PAH: variants seen among roughly 807,000 people sequenced by gnomAD.
PAH encodes the protein phenylalanine hydroxylase, also known as phenylalanine-4-hydroxylase.
A neutral mutation model predicts 62.0 loss-of-function variants in PAH; 64 were observed. That is an observed-to-expected ratio of 1.03 (90% CI 0.84 to 1.27). The LOEUF is 1.27. Among genes scored for constraint, PAH ranks in the 50% most tolerant of loss-of-function variants. The pLI, the probability that PAH is intolerant of heterozygous loss-of-function variation, is 0.00. For synonymous variants in PAH, 195 were observed against 196.2 expected, an observed-to-expected ratio of 0.99 and a Z score of 0.05; for missense variants, 579 against 542.8, an observed-to-expected ratio of 1.07 and a Z score of -0.66.
At chr12:102,896,482 A>G (rs560628425) in intron 2 of PAH, among the ~76,000 whole-genome samples, 1 of 152,350 alleles carries the variant, frequency 6.6e-6, no homozygotes, top group African/African-American at 2.4e-5. Context: ...TCTAATTTCT[A>G]TGTTGAGAAT....
At chr12:102,922,108 A>G (rs1878563722), upstream of PAH, among the ~76,000 whole-genome samples, 1 of 151,974 alleles carries the variant, frequency 6.6e-6, no homozygotes, top group East Asian at 1.9e-4. Context: ...TCTTTAAGCA[A>G]ATATTTATGA....
At chr12:102,868,141 T>C (rs112562099) in intron 4 of PAH, among the ~76,000 whole-genome samples, 2 of 6,266 alleles carry the variant, frequency 3.2e-4, no homozygotes, top group African/African-American at 3.1e-3. Flanking sequence ...TATATATATA[T>C]ATATATATAT....
chr12:102,875,889 AACAC>A (rs1003837118), intron 4 of PAH, among the ~76,000 whole-genome samples: 2 of 138,600 alleles, frequency 1.4e-5, no homozygotes, highest in African/African-American at 6.6e-5. Context: ...AATACACACA[AACAC>A]ACACACACAT....
intron 2 of PAH, among the ~76,000 whole-genome samples, chr12:102,899,677 G>A (rs1877658426): frequency 6.7e-6 from 1 of 150,346 alleles, no homozygotes; most frequent in East Asian, 2.0e-4. Context: ...AGCTAAAACG[G>A]TGAAACCCCG....
intron 3 of PAH, among the ~76,000 whole-genome samples, chr12:102,891,784 G>T (rs1877285852): frequency 6.6e-6 from 1 of 152,136 alleles, no homozygotes; most frequent in Non-Finnish European, 1.5e-5. Context: ...AGTTCAGGCT[G>T]CCGGCTCTCC....
chr12:102,857,491 C>T (rs1311962137), intron 5 of PAH, among the ~76,000 whole-genome samples: 2 of 152,020 alleles, frequency 1.3e-5, no homozygotes, highest in South Asian at 2.1e-4. Flanking sequence ...AGATACTCCT[C>T]GAGAAGAGCA....
At chr12:102,916,747 G>T (rs915476053) in intron 1 of PAH, 1 of 400,172 alleles carries the variant, frequency 2.5e-6, no homozygotes, top group Non-Finnish European at 4.7e-6. Flanking sequence ...TCAGTGTACA[G>T]AAGAGTAAAC....
At chr12:102,919,192 T>C (rs891731519), upstream of PAH, among the ~76,000 whole-genome samples, 1 of 152,216 alleles carries the variant, frequency 6.6e-6, no homozygotes, top group Non-Finnish European at 1.5e-5. Flanking sequence ...GGCTCTCAAA[T>C]ACTTTTGCTT....
chr12:102,931,677 C>T (rs1161491766), intron 1 of PAH, among the ~76,000 whole-genome samples: 1 of 152,104 alleles, frequency 6.6e-6, no homozygotes, highest in Non-Finnish European at 1.5e-5. Flanking sequence ...AGTCAGTTGC[C>T]CCTTCCATTG....
At chr12:102,842,911 T>C (rs1475383717) in intron 11 of PAH, among the ~76,000 whole-genome samples, 2 of 151,962 alleles carry the variant, frequency 1.3e-5, no homozygotes, top group Non-Finnish European at 2.9e-5. Flanking sequence ...ATACAGTGAG[T>C]ATTAGGATAT....
At chr12:102,840,545 G>C (rs1338364361) in intron 11 of PAH, 30 bp from the exon 12 acceptor site, 1 of 1,447,440 alleles carries the variant, frequency 6.9e-7, no homozygotes, top group Admixed American at 1.7e-5. Context: ...CTTGAGTGAA[G>C]GGCACCATTT....
At chr12:102,909,902 T>A (rs978478134) in intron 2 of PAH, among the ~76,000 whole-genome samples, 2 of 152,174 alleles carry the variant, frequency 1.3e-5, no homozygotes, top group Admixed American at 1.3e-4. Flanking sequence ...GAGGTTGCAG[T>A]GAGCTGAGAT....
At chr12:102,889,161 G>T (rs925837287) in intron 3 of PAH, among the ~76,000 whole-genome samples, 3 of 152,096 alleles carry the variant, frequency 2.0e-5, no homozygotes, top group Non-Finnish European at 4.4e-5. Flanking sequence ...AATTATGCAT[G>T]CACACCCATG....
intron 9 of PAH, among the ~76,000 whole-genome samples, chr12:102,845,418 G>A (rs1469236983): frequency 6.6e-6 from 1 of 152,192 alleles, no homozygotes; most frequent in African/African-American, 2.4e-5. Context: ...AGCAGACTGG[G>A]TAGTGATAGA....
intron 4 of PAH, 86 bp downstream of exon 4, chr12:102,877,376 T>C: frequency 9.3e-6 from 9 of 967,856 alleles, no homozygotes; most frequent in Non-Finnish European, 1.5e-5. Context: ...AACAAGTACA[T>C]TGCTCCAAGT....
Position 102,838,393 on chromosome 12 carries a change from A to C in PAH, c.*782T>G, listed in dbSNP as rs1484771784. 2.0e-5 allele frequency: 3 copies of C among 152,174 alleles called. No homozygotes were observed. The highest frequency in any genetic ancestry group is 7.2e-5 in the African/African-American group (3 of 41,412). The allele number at this position is 152,174 out of a possible 1,614,324, so 9.4% of individuals were successfully genotyped here. A position where few individuals can be genotyped will look rare whatever the true frequency, so the allele number is the denominator to read the frequency against. ...CATTTATACAGATTTGCTTTTCAATAATGTATTTACTTATTTATTCAGTGA... is the reference window on the plus strand; with the variant it reads ...CATTTATACAGATTTGCTTTTCAATCATGTATTTACTTATTTATTCAGTGA... On this transcript the variant is annotated 3_prime_UTR_variant, in exon 13 of 13. Coordinates refer to ENST00000553106, the MANE Select transcript of PAH (RefSeq NM_000277.3).
At chr12:102,944,245 T>G (rs7299942) in intron 1 of PAH, among the ~76,000 whole-genome samples, 1 of 151,964 alleles carries the variant, frequency 6.6e-6, no homozygotes, top group Non-Finnish European at 1.5e-5. Flanking sequence ...GGTAGTCCTA[T>G]TTGGGTTAAA....
intron 4 of PAH, among the ~76,000 whole-genome samples, chr12:102,876,486 C>T (rs1876570883): frequency 6.6e-6 from 1 of 152,206 alleles, no homozygotes; most frequent in Admixed American, 6.5e-5. Flanking sequence ...CCTTTGCGAA[C>T]ATTCTTTGCT....
chr12:102,939,713 AG>A lies in PAH; in HGVS notation c.-96+10875del. 2.0e-5 allele frequency among the ~76,000 whole-genome samples: 3 copies of A among 152,300 alleles called. No homozygotes were observed. In the South Asian group the frequency reaches 6.2e-4, roughly 32 times the overall value. ...ACTACAGAGCAGCCACCCCACCCGT[AG>A]GTGATGATTCCAATTGGCAGTGCTT... On this transcript the variant is annotated intron_variant, in intron 1 of 3. Transcript: ENST00000546844.
Sources: allele counts gnomAD v4.1 joint callset (sites outside exome capture counted in the v4.1 genomes callset), GRCh38; gene constraint gnomAD v4.1.1; transcripts MANE v1.5; gene names NCBI Gene and HGNC (gene_info 2026-07-23, HGNC 2026-07-21).